The following SUMF1 variants were observed in gnomAD, a reference collection of about 807,000 sequenced individuals.
SUMF1 encodes the protein sulfatase modifying factor 1.
SUMF1 carries 48 observed loss-of-function variants against 47.6 expected under a neutral mutation model. The observed-to-expected ratio is 1.01, with a 90% CI of 0.80 to 1.28. The LOEUF is 1.28. SUMF1 is among the 50% of genes most tolerant of loss of function. The pLI is 0.00. For missense variants in SUMF1, 571 were observed against 485.4 expected (o/e 1.18, Z -1.66); for synonymous variants, 230 against 192.1 (o/e 1.20, Z -1.63).
At chr3:4,169,592 G>C (rs1694788766) in intron 8 of SUMF1, among the ~76,000 whole-genome samples, 1 of 152,112 alleles carries the variant, frequency 6.6e-6, no homozygotes, top group Non-Finnish European at 1.5e-5. Flanking sequence ...CCAGAACTAT[G>C]GGGTGAATCT....
At chr3:4,265,191 T>A (rs1697166096) in intron 8 of SUMF1, among the ~76,000 whole-genome samples, 1 of 149,678 alleles carries the variant, frequency 6.7e-6, no homozygotes, top group Non-Finnish European at 1.5e-5. Context: ...GTTCTATGCA[T>A]CTGGCAGGAG....
At chr3:4,112,501 T>A (rs1693331088) in intron 8 of SUMF1, among the ~76,000 whole-genome samples, 1 of 152,196 alleles carries the variant, frequency 6.6e-6, no homozygotes, top group Admixed American at 6.5e-5. Context: ...CAGCATCTTC[T>A]AGTATCTCTT....
At chr3:4,140,701 C>A (rs1694051165) in intron 8 of SUMF1, among the ~76,000 whole-genome samples, 2 of 151,886 alleles carry the variant, frequency 1.3e-5, no homozygotes, top group Admixed American at 1.3e-4. Context: ...GTATATTTCT[C>A]CCCAAAATCC....
At chr3:4,127,630 T>C (rs1406895744) in intron 8 of SUMF1, among the ~76,000 whole-genome samples, 2 of 152,146 alleles carry the variant, frequency 1.3e-5, no homozygotes, top group Admixed American at 1.3e-4. Context: ...GCAGACAGCC[T>C]ATTGTGGGAC....
intron 8 of SUMF1, among the ~76,000 whole-genome samples, chr3:4,262,165 A>G (rs776928340): frequency 1.3e-5 from 2 of 152,102 alleles, no homozygotes; most frequent in Non-Finnish European, 2.9e-5. Flanking sequence ...CCTTGTCATA[A>G]AAACAGACCT....
intron 8 of SUMF1, chr3:4,068,757 AAG>A: frequency 3.7e-6 from 1 of 267,380 alleles, no homozygotes; most frequent in Non-Finnish European, 7.7e-6. Flanking sequence ...TAAAACAAAT[AAG>A]AAGAAGAAGA....
chr3:4,316,184 TCTTA>T, intron 8 of SUMF1: 2 of 654,284 alleles, frequency 3.1e-6, no homozygotes, highest in Non-Finnish European at 5.5e-6. Context: ...GCTAATGACA[TCTTA>T]CTTGCTGTTT....
At chr3:4,066,720 G>A (rs768728355) in intron 9 of SUMF1, among the ~76,000 whole-genome samples, 66 of 152,090 alleles carry the variant, frequency 4.3e-4, no homozygotes, top group Admixed American at 1.4e-3. Context: ...CTTCCCGGCC[G>A]ATGTCACCTG....
At chr3:4,256,781 A>C (rs1311370632) in intron 8 of SUMF1, among the ~76,000 whole-genome samples, 2 of 151,900 alleles carry the variant, frequency 1.3e-5, no homozygotes, top group African/African-American at 4.8e-5. Context: ...TCATTCTGAT[A>C]CCAAAGCCGG....
At chr3:4,061,965 T>G (rs1574850803) in intron 9 of SUMF1, among the ~76,000 whole-genome samples, 1 of 152,018 alleles carries the variant, frequency 6.6e-6, no homozygotes, top group Non-Finnish European at 1.5e-5. Flanking sequence ...TCCCACCTCT[T>G]CTGTCCCACT....
At chr3:4,349,999 T>C (rs1699456692) in intron 8 of SUMF1, among the ~76,000 whole-genome samples, 1 of 151,880 alleles carries the variant, frequency 6.6e-6, no homozygotes, top group Non-Finnish European at 1.5e-5. Context: ...TACGTATTAT[T>C]TTCTTTTTTT....
chr3:4,423,352 C>T (rs991792128), intron 3 of SUMF1, among the ~76,000 whole-genome samples: 2 of 151,324 alleles, frequency 1.3e-5, no homozygotes, highest in Non-Finnish European at 1.5e-5. Context: ...AATGAATTAA[C>T]GGCATTCACA....
At chr3:4,228,167 T>A (rs1406868179) in intron 8 of SUMF1, among the ~76,000 whole-genome samples, 1 of 152,048 alleles carries the variant, frequency 6.6e-6, no homozygotes, top group Non-Finnish European at 1.5e-5. Context: ...GTAAGTCATT[T>A]TCAATATATC....
chr3:4,275,043 T>G (rs1402010394), intron 8 of SUMF1, among the ~76,000 whole-genome samples: 1 of 152,104 alleles, frequency 6.6e-6, no homozygotes. Context: ...TGCATCTCCG[T>G]GTCTCCCAAA....
intron 8 of SUMF1, among the ~76,000 whole-genome samples, chr3:4,123,463 C>T (rs1028483534): frequency 3.9e-5 from 6 of 152,088 alleles, no homozygotes; most frequent in Non-Finnish European, 8.8e-5. Flanking sequence ...TGCTTTTGTT[C>T]CACTTTTGTC....
downstream of SUMF1, among the ~76,000 whole-genome samples, chr3:4,356,466 T>C (rs994873757): frequency 1.3e-5 from 2 of 152,134 alleles, no homozygotes; most frequent in Non-Finnish European, 2.9e-5. Flanking sequence ...TCATAAGGCA[T>C]TTCTAGGCGA....
intron 8 of SUMF1, among the ~76,000 whole-genome samples, chr3:4,073,234 T>C (rs1397422911): frequency 6.6e-6 from 1 of 152,142 alleles, no homozygotes; most frequent in Non-Finnish European, 1.5e-5. Flanking sequence ...CCAGCCAAAC[T>C]AAGATTCATA....
intron 8 of SUMF1, among the ~76,000 whole-genome samples, chr3:4,071,515 G>C (rs894289947): frequency 6.6e-6 from 1 of 152,198 alleles, no homozygotes; most frequent in African/African-American, 2.4e-5. Context: ...GGCTCAGCAG[G>C]TCCCATGCCC....
chr3:4,312,010 C>T (rs1698424701), intron 8 of SUMF1, among the ~76,000 whole-genome samples: 1 of 152,172 alleles, frequency 6.6e-6, no homozygotes, highest in African/African-American at 2.4e-5. Context: ...TAACATTTTA[C>T]AAATGTAATG....
Sources: allele counts gnomAD v4.1 joint callset (sites outside exome capture counted in the v4.1 genomes callset), GRCh38; gene constraint gnomAD v4.1.1; transcripts MANE v1.5; gene names NCBI Gene and HGNC (gene_info 2026-07-23, HGNC 2026-07-21).